ADRM1: variants seen among roughly 807,000 people sequenced by gnomAD.
ADRM1 encodes the protein proteasomal ubiquitin receptor ADRM1.
Under a neutral mutation model 40.1 loss-of-function variants are expected in ADRM1, and 2 were observed. The ratio of observed to expected loss-of-function variants is 0.05; its 90% CI spans 0.02 to 0.16. The LOEUF is 0.16. Among genes scored for constraint, ADRM1 ranks in the 10% least tolerant of loss-of-function variants. ADRM1 has a pLI of 1.00. For synonymous variants in ADRM1, 287 were observed against 240.4 expected, an observed-to-expected ratio of 1.19 and a Z score of -1.79; for missense variants, 467 against 552.5, an observed-to-expected ratio of 0.85 and a Z score of 1.55.
intron 4 of ADRM1, 35 bp downstream of exon 4, chr20:62,306,355 T>C: frequency 6.2e-7 from 1 of 1,612,246 alleles, no homozygotes; most frequent in African/African-American, 1.3e-5. Flanking sequence ...GCTCAGGGTT[T>C]CCTGGGAGGC....
intron 3 of ADRM1, among the ~76,000 whole-genome samples, chr20:62,305,056 T>C (rs1371416889): frequency 6.6e-6 from 1 of 152,188 alleles, no homozygotes; most frequent in Non-Finnish European, 1.5e-5. Flanking sequence ...CTGCAGAGCG[T>C]CTTTTGGGTC....
chr20:62,308,272 C>A, intron 8 of ADRM1, 94 bp downstream of exon 8: 1 of 1,535,350 alleles, frequency 6.5e-7, no homozygotes, highest in Non-Finnish European at 8.8e-7. Flanking sequence ...ATGGCCAGTG[C>A]TTCATGTGCC....
intron 4 of ADRM1, 147 bp from the exon 5 acceptor site, chr20:62,306,501 G>A: frequency 7.8e-7 from 1 of 1,275,200 alleles, no homozygotes; most frequent in Non-Finnish European, 1.1e-6. Flanking sequence ...GGACGGGTCT[G>A]CATCCCACCG....
At position 62,306,448 on chromosome 20, in the gene ADRM1, G is replaced by C. The variant is rs774832958; in HGVS notation, c.454+128G>C. The C allele has an allele frequency of 4.7e-5, 71 of 1,497,758 alleles. No homozygotes were observed. The South Asian group carries it at 8.2e-4, about 17-fold the overall frequency. The allele number at this position is 1,497,758 out of a possible 1,614,324, so 92.8% of individuals were successfully genotyped here. ...GAAGATTCTAAAAGTTAGAGACCCT[G>C]TGAGCTCCCTGGGTCACTCCCCACT... On this transcript the variant is annotated intron_variant, in intron 4 of 9. Coordinates refer to ENST00000253003, the MANE Select transcript of ADRM1 (RefSeq NM_007002.4).
At chr20:62,303,502 G>A (rs1984422257) in intron 1 of ADRM1, 66 bp from the exon 2 acceptor site, 5 of 1,491,406 alleles carry the variant, frequency 3.4e-6, no homozygotes, top group African/African-American at 2.8e-5. Flanking sequence ...ACCCCAGGGG[G>A]CGGGAGCTTG....
At chr20:62,303,856 GT>G (rs1231173187) in intron 2 of ADRM1, 75 bp downstream of exon 2, 1 of 1,490,124 alleles carries the variant, frequency 6.7e-7, no homozygotes, top group Non-Finnish European at 9.2e-7. Flanking sequence ...GGAGTTCGCG[GT>G]GGGGGCTTGG....
Position 62,306,280 on chromosome 20 carries a change from G to A in ADRM1, c.414G>A (p.Gly138=). The change falls in exon 4 of 10, where the codon GGG becomes GGA. Residue 138 remains glycine, a synonymous_variant. Coordinates refer to ENST00000253003, the MANE Select transcript of ADRM1 (RefSeq NM_007002.4). ...ACCCCCCGATGCCTGGGGCGCTGGGGGCCAGCGGAAGCAGCGGCCACGAAC... is the reference window on the plus strand; with the variant it reads ...ACCCCCCGATGCCTGGGGCGCTGGGAGCCAGCGGAAGCAGCGGCCACGAAC... ...LNNPPMPGAL[G]ASGSSGHELS... The A allele has an allele frequency of 6.2e-7, 1 of 1,612,986 alleles. No individual in the cohort carries two copies. Among genetic ancestry groups the A allele is most frequent in the African/African-American group, 1.3e-5 (1 of 75,048 alleles).
rs757416567 is a variant in ADRM1, at chr20:62,306,740, G to A, written c.541+6G>A. On this transcript the variant is annotated splice_donor_region_variant and intron_variant, in intron 5 of 9. Transcript: ENST00000253003. ...AGCCGGCCTTGGAGGACTGGGTAAC[G>A]TGCGCCACCCGGGCTCTCGGGCAGC... is the stretch of plus-strand genomic sequence containing the variant. The A allele has an allele frequency of 9.4e-6, 15 of 1,599,920 alleles. No homozygotes were observed. In the Admixed American group the frequency reaches 1.0e-4, roughly 11 times the overall value.
chr20:62,306,980 TGGGGCTGG>T (rs1160029116), intron 5 of ADRM1, among the ~76,000 whole-genome samples: 2 of 152,012 alleles, frequency 1.3e-5, no homozygotes, highest in African/African-American at 4.8e-5. Flanking sequence ...GGCCGAGCGG[TGGGGCTGG>T]AGGACTGGAG....
chr20:62,308,205 C>A, intron 8 of ADRM1, 27 bp downstream of exon 8: 1 of 1,587,410 alleles, frequency 6.3e-7, no homozygotes, highest in South Asian at 1.1e-5. Context: ...GGGTGTCCTC[C>A]ACTGTGTGCT....
intron 7 of ADRM1, 73 bp downstream of exon 7, chr20:62,307,901 G>A: frequency 1.9e-6 from 3 of 1,552,598 alleles, no homozygotes; most frequent in Non-Finnish European, 2.6e-6. Flanking sequence ...CACCTTCCAA[G>A]GCATCTGCCT....
At position 62,308,831 on chromosome 20, in the gene ADRM1, TTATTAA is replaced by T; in HGVS notation, c.*73_*78del. 1.9e-6 allele frequency: 3 copies of T among 1,564,332 alleles called. No homozygotes were observed. In the Admixed American group the frequency reaches 6.1e-5, roughly 32 times the overall value. Reference sequence around the variant, plus strand: ...CACACCCTCACCTCCCACCCACTGATTATTAATAAAGTCTTTTCTTTTACCTGCCAA... The same window carrying T: ...CACACCCTCACCTCCCACCCACTGATTAAAGTCTTTTCTTTTACCTGCCAA... On this transcript the variant is annotated 3_prime_UTR_variant, in exon 10 of 10. Coordinates refer to ENST00000253003, the MANE Select transcript of ADRM1 (RefSeq NM_007002.4).
chr20:62,305,929 G>C (rs1174984364), intron 3 of ADRM1: 1 of 445,528 alleles, frequency 2.2e-6, no homozygotes, highest in Non-Finnish European at 4.1e-6. Context: ...GGAGCTCTAG[G>C]CTCCCCATTT....
Position 62,304,505 on chromosome 20 carries a change from G to A in ADRM1, c.258G>A (p.Pro86=). 1.2e-6 allele frequency: 2 copies of A among 1,613,920 alleles called. No homozygotes were observed. The highest frequency in any genetic ancestry group is 1.7e-6 in the Non-Finnish European group (2 of 1,179,938). Residue 86 remains proline (P), a synonymous_variant, in exon 3 of 10, where the codon CCG becomes CCA. Coordinates refer to ENST00000253003, the MANE Select transcript of ADRM1 (RefSeq NM_007002.4). ...ACGACTGTGAGTTCAAGCGGGTGCC[G>A]CAGTGCCCCAGCGGGAGGGTCTACG... is the stretch of plus-strand genomic sequence containing the variant. ...FPDDCEFKRV[P]QCPSGRVYVL...
chr20:62,308,633 T>G lies in ADRM1; in HGVS notation c.1118-22T>G, dbSNP rs1428702808. 3 of 1,612,338 alleles carry G rather than the reference T, an allele frequency of 1.9e-6. No individual in the cohort carries two copies. The East Asian group carries it at 6.7e-5, about 36-fold the overall frequency. The stretch of plus-strand genomic sequence containing the variant: ...TTCTGGGCAAGGGTTAGACACCACC[T>G]TGTGTCTTTAACGTGTTCTAGATGT... On this transcript the variant is annotated intron_variant, in intron 9 of 9. Transcript: ENST00000253003.
chr20:62,307,422 G>C lies in ADRM1; in HGVS notation c.593G>C (p.Ser198Thr). ...GPGLASLLGS[S>T]GPPGSSSSSS... ...GGCCTGGCCAGCTTACTGGGGAGCA[G>C]TGGGCCTCCAGGGAGCAGCTCCTCC... The change falls in exon 6 of 10, where the codon AGT becomes ACT. Residue 198 changes from serine to threonine, a missense_variant. Physicochemically the swap from Ser to Thr is moderately conservative, Grantham distance 58. This residue lies in a region of ADRM1 where 418 missense variants were observed against 474.6 expected (regional missense o/e 0.88). Coordinates refer to ENST00000253003, the MANE Select transcript of ADRM1 (RefSeq NM_007002.4). 1 of 1,608,546 alleles carries C rather than the reference G, an allele frequency of 6.2e-7. No individual in the cohort carries two copies. Among genetic ancestry groups the C allele is most frequent in the African/African-American group, 1.3e-5 (1 of 74,824 alleles).
In ADRM1 at chr20:62,307,976, C is replaced by T. The variant is rs758339703; in HGVS notation, c.857-45C>T. ...CCTGCTTGCATGCCTTCCATGTGGG[C>T]ACTTAGGCTGTCATCGAGCTGATGG... On this transcript the variant is annotated intron_variant, in intron 7 of 9. Coordinates refer to ENST00000253003, the MANE Select transcript of ADRM1 (RefSeq NM_007002.4). 1.9e-6 allele frequency: 3 copies of T among 1,587,240 alleles called. No individual in the cohort carries two copies. The East Asian group carries it at 6.8e-5, about 36-fold the overall frequency.
In ADRM1 at chr20:62,307,390, T is replaced by C; in HGVS notation, c.561T>C (p.Thr187=). ...TCGCAGGTGGGCTGGGGGCCCTGAC[T>C]GGACCTGGCCTGGCCAGCTTACTGG... is the stretch of plus-strand genomic sequence containing the variant. ...LGGLGGLGAL[T]GPGLASLLGS... Residue 187 remains threonine (T), a synonymous_variant, in exon 6 of 10, where the codon ACT becomes ACC. Coordinates refer to ENST00000253003, the MANE Select transcript of ADRM1 (RefSeq NM_007002.4). The C allele has an allele frequency of 6.2e-7, 1 of 1,602,178 alleles. No homozygotes were observed. The highest frequency in any genetic ancestry group is 8.5e-7 in the Non-Finnish European group (1 of 1,176,866).
At chr20:62,303,399 C>A (rs928884339) in intron 1 of ADRM1, 169 bp from the exon 2 acceptor site, 7 of 645,026 alleles carry the variant, frequency 1.1e-5, no homozygotes, top group African/African-American at 5.6e-5. Flanking sequence ...GCGGGCGGTG[C>A]GATCGTCGTG....
Sources: gnomAD v4.1 joint callset for allele counts (sites outside exome capture counted in the v4.1 genomes callset) on GRCh38, gnomAD v4.1.1 for gene constraint, gnomAD v4.1.1 regional missense constraint, MANE v1.5 for transcripts, NCBI Gene and HGNC (gene_info 2026-07-23, HGNC 2026-07-21) for gene names.